SUPT3H: variants seen among roughly 807,000 people sequenced by gnomAD.
The protein encoded by SUPT3H is transcription initiation protein SPT3 homolog.
Under a neutral mutation model 44.3 loss-of-function variants are expected in SUPT3H, and 44 were observed. The observed-to-expected ratio is 0.99, with a 90% CI of 0.78 to 1.28. The LOEUF is 1.28. Ranked by LOEUF, SUPT3H falls within the 50% of genes most tolerant of loss-of-function variation. SUPT3H has a pLI of 0.00. For synonymous variants in SUPT3H, 124 were observed against 125.6 expected, an observed-to-expected ratio of 0.99 and a Z score of 0.09; for missense variants, 380 against 387.1, an observed-to-expected ratio of 0.98 and a Z score of 0.15.
At chr6:45,317,505 G>A (rs529980694) in intron 2 of SUPT3H, among the ~76,000 whole-genome samples, 1 of 152,040 alleles carries the variant, frequency 6.6e-6, no homozygotes, top group African/African-American at 2.4e-5. Context: ...ACACACTAAC[G>A]GAACAGAACA....
intron 9 of SUPT3H, among the ~76,000 whole-genome samples, chr6:44,939,759 T>C (rs1351670535): frequency 2.0e-5 from 3 of 152,122 alleles, no homozygotes; most frequent in African/African-American, 7.2e-5. Context: ...TCAGGATTTC[T>C]ATTTCTTCTG....
intron 2 of SUPT3H, among the ~76,000 whole-genome samples, chr6:45,149,941 G>C (rs1266185950): frequency 6.6e-6 from 1 of 152,128 alleles, no homozygotes; most frequent in Non-Finnish European, 1.5e-5. Context: ...AACACTGGCT[G>C]AATGTTAAAA....
At position 44,956,554 on chromosome 6, in the gene SUPT3H, A is replaced by C. The variant is rs557528740; in HGVS notation, c.581-1947T>G. Among the ~76,000 whole-genome samples the C allele has an allele frequency of 1.2e-4, 18 of 150,992 alleles. No individual in the cohort carries two copies. The East Asian group carries it at 3.5e-3, about 29-fold the overall frequency. ...GAATGGCTCAAAGTTGTAAATTTAA[A>C]GTTAAATAAACTGACATCTGGTCTA... On this transcript the variant is annotated intron_variant, in intron 7 of 10. Transcript: ENST00000371459.
At chr6:44,927,241 A>G (rs1230512439) in intron 10 of SUPT3H, among the ~76,000 whole-genome samples, 1 of 152,128 alleles carries the variant, frequency 6.6e-6, no homozygotes, top group African/African-American at 2.4e-5. Flanking sequence ...ATTTTGCTAA[A>G]TTATTAATAT....
intron 6 of SUPT3H, among the ~76,000 whole-genome samples, chr6:44,963,506 A>G (rs1011589465): frequency 6.6e-6 from 1 of 152,076 alleles, no homozygotes; most frequent in African/African-American, 2.4e-5. Flanking sequence ...ACAAACAAAC[A>G]AACAACCACA....
At chr6:44,986,161 C>T (rs1300904354) in intron 6 of SUPT3H, among the ~76,000 whole-genome samples, 1 of 152,136 alleles carries the variant, frequency 6.6e-6, no homozygotes, top group Non-Finnish European at 1.5e-5. Context: ...AAGTTTCTTC[C>T]AGATAAAGAC....
chr6:45,190,758 C>G (rs1198674988), intron 2 of SUPT3H, among the ~76,000 whole-genome samples: 1 of 152,034 alleles, frequency 6.6e-6, no homozygotes, highest in East Asian at 1.9e-4. Flanking sequence ...ATAAGAATCT[C>G]AAACATGGGC....
chr6:44,937,991 C>A (rs773427345), intron 9 of SUPT3H, among the ~76,000 whole-genome samples: 2 of 143,954 alleles, frequency 1.4e-5, no homozygotes, highest in Non-Finnish European at 3.0e-5. Context: ...CTTACTGCAA[C>A]CTCCGCCTCC....
chr6:45,328,916 G>A, intron 2 of SUPT3H: 2 of 970,524 alleles, frequency 2.1e-6, no homozygotes, highest in Non-Finnish European at 3.2e-6. Flanking sequence ...GTTGCATTAA[G>A]AATTGAAAAA....
intron 11 of SUPT3H, among the ~76,000 whole-genome samples, chr6:44,813,921 T>C (rs1406811828): frequency 6.6e-6 from 1 of 151,738 alleles, no homozygotes; most frequent in Non-Finnish European, 1.5e-5. Flanking sequence ...AAAGAAATAT[T>C]TGAAGAAAAG....
intron 2 of SUPT3H, among the ~76,000 whole-genome samples, chr6:45,139,125 G>A (rs979826723): frequency 2.0e-5 from 3 of 152,178 alleles, no homozygotes; most frequent in Middle Eastern, 6.8e-3. Context: ...TCCTTCCTAT[G>A]AAGGTCACTA....
At chr6:44,924,442 T>C (rs1360702292) in intron 10 of SUPT3H, among the ~76,000 whole-genome samples, 1 of 152,150 alleles carries the variant, frequency 6.6e-6, no homozygotes, top group East Asian at 1.9e-4. Context: ...ACAGACTTAA[T>C]ACCTCTTGGA....
At chr6:44,887,031 A>G (rs1170610386) in intron 10 of SUPT3H, among the ~76,000 whole-genome samples, 4 of 152,224 alleles carry the variant, frequency 2.6e-5, no homozygotes, top group African/African-American at 9.6e-5. Context: ...AGGCCATTAC[A>G]TAATGGTAAA....
chr6:45,156,094 T>C (rs557605703), intron 2 of SUPT3H, among the ~76,000 whole-genome samples: 54 of 152,210 alleles, frequency 3.5e-4, no homozygotes, highest in African/African-American at 1.3e-3. Context: ...AAATAGCTTG[T>C]CACAAAAAAA....
chr6:45,223,947 A>C (rs1220837459), intron 2 of SUPT3H, among the ~76,000 whole-genome samples: 2 of 149,938 alleles, frequency 1.3e-5, no homozygotes, highest in Non-Finnish European at 3.0e-5. Flanking sequence ...ATACTTAACC[A>C]ACAGTAAATT....
chr6:45,238,436 C>T (rs544663148), intron 2 of SUPT3H, among the ~76,000 whole-genome samples: 43 of 152,282 alleles, frequency 2.8e-4, no homozygotes, highest in African/African-American at 9.9e-4. Context: ...CATTCCTGCC[C>T]ATGCCATGAG....
chr6:45,082,072 A>T (rs977164167), intron 3 of SUPT3H, among the ~76,000 whole-genome samples: 1 of 152,120 alleles, frequency 6.6e-6, no homozygotes, highest in African/African-American at 2.4e-5. Context: ...GGAAATACAT[A>T]ACCTCCCAAT....
intron 10 of SUPT3H, among the ~76,000 whole-genome samples, chr6:44,911,205 T>A (rs72865923): frequency 1.3e-5 from 2 of 151,286 alleles, no homozygotes; most frequent in Non-Finnish European, 2.9e-5. Context: ...GAGAATCTTC[T>A]GTTGTTCTCT....
chr6:44,902,384 A>C (rs976891518), intron 10 of SUPT3H, among the ~76,000 whole-genome samples: 11 of 152,210 alleles, frequency 7.2e-5, no homozygotes, highest in Non-Finnish European at 1.0e-4. Context: ...TTGCAATCCT[A>C]GTCTCTGATA....
Sources: allele counts gnomAD v4.1 joint callset (sites outside exome capture counted in the v4.1 genomes callset), GRCh38; gene constraint gnomAD v4.1.1; transcripts MANE v1.5; gene names NCBI Gene and HGNC (gene_info 2026-07-23, HGNC 2026-07-21).